The following NTM variants were observed in gnomAD, a reference collection of about 807,000 sequenced individuals.
NTM encodes the protein neurotrimin.
A neutral mutation model predicts 42.1 loss-of-function variants in NTM; 13 were observed. The observed-to-expected ratio is 0.31, with a 90% CI of 0.20 to 0.49. The LOEUF (loss-of-function observed/expected upper bound fraction) is 0.49. NTM is among the 20% of genes least tolerant of loss of function. The pLI, the probability that NTM is intolerant of heterozygous loss-of-function variation, is 0.99. For missense variants in NTM, 373 were observed against 452.8 expected, an observed-to-expected ratio of 0.82 and a Z score of 1.60; for synonymous variants, 187 against 179.2, an observed-to-expected ratio of 1.04 and a Z score of -0.35.
intron 1 of NTM, among the ~76,000 whole-genome samples, chr11:131,814,600 C>T (rs1234087475): frequency 6.8e-6 from 1 of 148,076 alleles, no homozygotes; most frequent in African/African-American, 2.5e-5. Context: ...AAAAGGTCGC[C>T]TAATCTTGTC....
rs1242730635 is a variant in NTM at position 131,789,490 on chromosome 11, G to GAA, written c.83-122073_83-122072insAA. Among the ~76,000 whole-genome samples, 4 of 4,844 alleles carry GAA rather than the reference G, an allele frequency of 8.3e-4. 2 individuals are homozygous for GAA. The highest frequency in any genetic ancestry group is 3.3e-3 in the African/African-American group (4 of 1,222). The allele number at this position is 4,844 out of a possible 152,430, so 3.2% of individuals were successfully genotyped here. ...AGAAGAAGAAGAAGAAGAAGAAGAA[G>GAA]AGGAAAGAAGAAGAAGAAGAAGAAG... is the stretch of plus-strand genomic sequence containing the variant. On this transcript the variant is annotated intron_variant, in intron 1 of 8. Transcript: ENST00000683400.
chr11:131,441,766 G>T (rs1293229208), intron 1 of NTM, among the ~76,000 whole-genome samples: 1 of 152,198 alleles, frequency 6.6e-6, no homozygotes, highest in Non-Finnish European at 1.5e-5. Context: ...TCACAGACTG[G>T]AATAGGGTTG....
chr11:132,246,773 G>A (rs1219155415), intron 4 of NTM, among the ~76,000 whole-genome samples: 8 of 152,124 alleles, frequency 5.3e-5, no homozygotes, highest in South Asian at 2.1e-4. Flanking sequence ...TATGTCGGCC[G>A]TCCTTTCACA....
chr11:132,272,075 T>C (rs1385710691), intron 4 of NTM, among the ~76,000 whole-genome samples: 1 of 152,142 alleles, frequency 6.6e-6, no homozygotes, highest in Non-Finnish European at 1.5e-5. Flanking sequence ...GATACAACTT[T>C]ATTCTTTTGC....
At chr11:131,545,140 G>T (rs2053759745) in intron 1 of NTM, among the ~76,000 whole-genome samples, 1 of 152,092 alleles carries the variant, frequency 6.6e-6, no homozygotes, top group African/African-American at 2.4e-5. Context: ...GAGAGTTTAA[G>T]AATGAAAAGA....
At chr11:131,389,749 G>A (rs1487707609) in intron 1 of NTM, among the ~76,000 whole-genome samples, 1 of 152,218 alleles carries the variant, frequency 6.6e-6, no homozygotes, top group Non-Finnish European at 1.5e-5. Flanking sequence ...TGGGTGTGCT[G>A]TAACTGGCTG....
intron 1 of NTM, among the ~76,000 whole-genome samples, chr11:131,881,583 G>T (rs1326446486): frequency 6.6e-6 from 1 of 151,832 alleles, no homozygotes; most frequent in Non-Finnish European, 1.5e-5. Flanking sequence ...CGGAAAAAGT[G>T]CACAGACAGA....
At chr11:131,717,768 G>A (rs956154404) in intron 1 of NTM, among the ~76,000 whole-genome samples, 1 of 152,152 alleles carries the variant, frequency 6.6e-6, no homozygotes, top group African/African-American at 2.4e-5. Context: ...GAACTCATGT[G>A]AATGGAGATT....
intron 2 of NTM, among the ~76,000 whole-genome samples, chr11:131,987,901 A>C (rs12224286): frequency 0.12 from 18,743 of 152,304 alleles, 1,636 homozygotes; most frequent in East Asian, 0.43. Flanking sequence ...GGAAACGCAG[A>C]GATGACTCAT....
intron 1 of NTM, among the ~76,000 whole-genome samples, chr11:131,402,262 G>A (rs1945325797): frequency 6.6e-6 from 1 of 152,004 alleles, no homozygotes; most frequent in African/African-American, 2.4e-5. Context: ...AGCAATTATT[G>A]TGGTCTCTGC....
chr11:131,680,440 A>T (rs1371131341), intron 1 of NTM, among the ~76,000 whole-genome samples: 1 of 134,836 alleles, frequency 7.4e-6, no homozygotes, highest in Admixed American at 7.3e-5. Flanking sequence ...TGTGTGTGAG[A>T]TCATATCTGT....
intron 1 of NTM, among the ~76,000 whole-genome samples, chr11:131,817,416 T>C (rs1446520914): frequency 1.3e-5 from 2 of 151,858 alleles, no homozygotes; most frequent in Non-Finnish European, 2.9e-5. Context: ...AGTACTGACT[T>C]TTTTTTTAAG....
At chr11:131,931,468 C>CGTGTGTGTGTGTGTGTGT (rs147069139) in intron 2 of NTM, among the ~76,000 whole-genome samples, 1 of 142,708 alleles carries the variant, frequency 7.0e-6, no homozygotes, top group South Asian at 2.3e-4. Flanking sequence ...ATAATATATA[C>CGTGTGTGTGTGTGTGTGT]GTGTGTGTGT....
chr11:131,549,591 T>C (rs2054383396), intron 1 of NTM, among the ~76,000 whole-genome samples: 1 of 152,116 alleles, frequency 6.6e-6, no homozygotes, highest in Non-Finnish European at 1.5e-5. Flanking sequence ...CAAAACGCCC[T>C]GTGCTCCAAG....
intron 1 of NTM, among the ~76,000 whole-genome samples, chr11:131,560,678 C>T (rs1431267235): frequency 2.6e-5 from 4 of 152,312 alleles, no homozygotes; most frequent in East Asian, 3.9e-4. Context: ...ACCTTTAAGG[C>T]CATCTCAATA....
intron 1 of NTM, among the ~76,000 whole-genome samples, chr11:131,720,632 C>A (rs959450723): frequency 1.3e-5 from 2 of 152,216 alleles, no homozygotes; most frequent in African/African-American, 2.4e-5. Context: ...GACTTGAACT[C>A]TTTCTATGAC....
At chr11:132,205,482 C>T (rs1202445816) in intron 3 of NTM, among the ~76,000 whole-genome samples, 1 of 152,136 alleles carries the variant, frequency 6.6e-6, no homozygotes, top group Non-Finnish European at 1.5e-5. Context: ...AATTAAAATT[C>T]AATAAGAGCC....
At chr11:132,285,432 C>T (rs977684023) in intron 4 of NTM, among the ~76,000 whole-genome samples, 1 of 152,106 alleles carries the variant, frequency 6.6e-6, no homozygotes, top group African/African-American at 2.4e-5. Flanking sequence ...CTCTGACCAA[C>T]TCTGTTTTTC....
chr11:132,178,003 A>T (rs185513073), intron 3 of NTM, among the ~76,000 whole-genome samples: 2 of 152,366 alleles, frequency 1.3e-5, no homozygotes, highest in East Asian at 3.9e-4. Context: ...AGAAATGGAA[A>T]ATTTTGATGG....
Sources: allele counts gnomAD v4.1 joint callset (sites outside exome capture counted in the v4.1 genomes callset), GRCh38; gene constraint gnomAD v4.1.1; transcripts MANE v1.5; gene names NCBI Gene and HGNC (gene_info 2026-07-23, HGNC 2026-07-21).